Variants in CDH8 observed in about 807,000 individuals in gnomAD.
CDH8 encodes cadherin-8.
In CDH8, 17 loss-of-function variants were observed where a neutral mutation model predicts 68.1. That is an observed-to-expected ratio of 0.25 (90% CI 0.17 to 0.37). The LOEUF (loss-of-function observed/expected upper bound fraction) is 0.37, where lower values mean the gene tolerates loss of function less well. Ranked by LOEUF, CDH8 falls within the 10% of genes least tolerant of loss-of-function variation. The pLI, the probability that CDH8 is intolerant of heterozygous loss-of-function variation, is 1.00. For missense variants in CDH8, 763 were observed against 999.3 expected, an observed-to-expected ratio of 0.76 and a Z score of 3.19; for synonymous variants, 372 against 365.1, an observed-to-expected ratio of 1.02 and a Z score of -0.21.
intron 10 of CDH8, among the ~76,000 whole-genome samples, chr16:61,662,814 T>C (rs1342982655): frequency 6.6e-6 from 1 of 151,918 alleles, no homozygotes; most frequent in Non-Finnish European, 1.5e-5. Context: ...TGTGCACCCA[T>C]GGATTTTGAT....
rs548779957 is a variant in CDH8 at position 61,660,702 on chromosome 16, A to T, written c.1655-4981T>A. 2.6e-5 allele frequency among the ~76,000 whole-genome samples: 4 copies of T among 152,196 alleles called. No individual in the cohort carries two copies. In the East Asian group the frequency reaches 5.8e-4, roughly 22 times the overall value. On this transcript the variant is annotated intron_variant, in intron 10 of 11. Transcript: ENST00000577390. The stretch of plus-strand genomic sequence containing the variant: ...ACATGTTAAAAACAAGAGAAAATTG[A>T]CTCATCACTTAACAGCAAAAATTTC...
chr16:61,922,470 T>C (rs1964385300), intron 2 of CDH8, among the ~76,000 whole-genome samples: 1 of 152,214 alleles, frequency 6.6e-6, no homozygotes, highest in South Asian at 2.1e-4. Flanking sequence ...GAGAGAACTA[T>C]GCTACACCTG....
At chr16:61,687,770 A>G (rs1046667526) in intron 10 of CDH8, among the ~76,000 whole-genome samples, 1 of 152,012 alleles carries the variant, frequency 6.6e-6, no homozygotes, top group Admixed American at 6.6e-5. Flanking sequence ...CTTCAGTTTT[A>G]TCTTGAAAAT....
intron 9 of CDH8, among the ~76,000 whole-genome samples, chr16:61,715,772 A>T (rs998431903): frequency 6.6e-6 from 1 of 151,586 alleles, no homozygotes; most frequent in Non-Finnish European, 1.5e-5. Flanking sequence ...AAAAATCAAC[A>T]TGAGTTAAAG....
intron 8 of CDH8, among the ~76,000 whole-genome samples, chr16:61,731,954 G>A (rs922013789): frequency 6.6e-6 from 1 of 151,710 alleles, no homozygotes; most frequent in African/African-American, 2.4e-5. Flanking sequence ...AATGGAAATT[G>A]TGCAGTAGGA....
chr16:61,979,147 T>C (rs1181158139), intron 2 of CDH8, among the ~76,000 whole-genome samples: 1 of 151,854 alleles, frequency 6.6e-6, no homozygotes, highest in Admixed American at 6.6e-5. Context: ...TTCTGTAAGG[T>C]AGGCACTCCA....
At chr16:62,024,085 C>T (rs1027653101) in intron 1 of CDH8, among the ~76,000 whole-genome samples, 1 of 151,960 alleles carries the variant, frequency 6.6e-6, no homozygotes. Flanking sequence ...GTGATCTTCT[C>T]ACTCCAGCCT....
chr16:61,754,631 C>A (rs371855194), intron 8 of CDH8, among the ~76,000 whole-genome samples: 110 of 152,008 alleles, frequency 7.2e-4, no homozygotes, highest in Non-Finnish European at 1.2e-3. Flanking sequence ...AAATATTTAT[C>A]TTTTCTTTGT....
intron 2 of CDH8, among the ~76,000 whole-genome samples, chr16:61,998,794 G>T (rs577518257): frequency 6.6e-6 from 1 of 152,044 alleles, no homozygotes; most frequent in African/African-American, 2.4e-5. Flanking sequence ...CTTGATCTTC[G>T]AAATAAAACT....
chr16:61,824,275 A>C (rs867410126), intron 5 of CDH8, among the ~76,000 whole-genome samples: 2 of 151,858 alleles, frequency 1.3e-5, no homozygotes, highest in South Asian at 2.1e-4. Context: ...CATCCTTTTA[A>C]GCTGCACTAT....
At chr16:61,711,656 G>A (rs1964632435) in intron 10 of CDH8, 1 of 151,638 alleles carries the variant, frequency 6.6e-6, no homozygotes, top group African/African-American at 2.4e-5. Context: ...TCTGATCTAG[G>A]AAGAGGAACA....
intron 1 of CDH8, among the ~76,000 whole-genome samples, chr16:62,030,888 G>A (rs1902309204): frequency 6.6e-6 from 1 of 152,070 alleles, no homozygotes; most frequent in Non-Finnish European, 1.5e-5. Flanking sequence ...ATACAGAAGA[G>A]TATGGAATTG....
chr16:61,703,911 T>C (rs1285572326), intron 10 of CDH8, among the ~76,000 whole-genome samples: 3 of 152,156 alleles, frequency 2.0e-5, no homozygotes, highest in Non-Finnish European at 1.5e-5. Flanking sequence ...GTCCCATTAT[T>C]AAACAGTGTT....
chr16:61,689,472 T>C (rs1330856160), intron 10 of CDH8, among the ~76,000 whole-genome samples: 3 of 151,952 alleles, frequency 2.0e-5, no homozygotes, highest in Non-Finnish European at 4.4e-5. Context: ...CCCAGGCACA[T>C]ACAGACTGTG....
intron 2 of CDH8, among the ~76,000 whole-genome samples, chr16:62,017,561 T>C (rs1392948327): frequency 1.3e-5 from 2 of 152,146 alleles, no homozygotes; most frequent in Non-Finnish European, 2.9e-5. Flanking sequence ...TGCATGATTG[T>C]AGTCCCAGCT....
chr16:61,810,475 G>GGA lies in CDH8; in HGVS notation c.1277+7002_1277+7003dup, dbSNP rs143810797. 2.5e-3 allele frequency among the ~76,000 whole-genome samples: 382 copies of GGA among 150,026 alleles called. 4 individuals carry two copies. The highest frequency in any genetic ancestry group is 0.023 in the East Asian group (119 of 5,100). On this transcript the variant is annotated intron_variant, in intron 7 of 11. Transcript: ENST00000577390. ...CAAATAATTTCTTTATAGTCAGAGA[G>GGA]GAGAGAGAGAGAGAGAGAGAGAAAG... is the stretch of plus-strand genomic sequence containing the variant.
intron 3 of CDH8, among the ~76,000 whole-genome samples, chr16:61,863,350 C>T (rs1282417598): frequency 6.6e-6 from 1 of 152,084 alleles, no homozygotes; most frequent in Non-Finnish European, 1.5e-5. Context: ...GCAAAAACTA[C>T]AGGCAAAATT....
At chr16:61,800,699 G>C (rs1262199993) in intron 7 of CDH8, among the ~76,000 whole-genome samples, 1 of 152,068 alleles carries the variant, frequency 6.6e-6, no homozygotes, top group Non-Finnish European at 1.5e-5. Context: ...CATACTCATG[G>C]GGTAGAGCTA....
intron 4 of CDH8, among the ~76,000 whole-genome samples, chr16:61,831,757 T>C (rs529076411): frequency 1.3e-5 from 2 of 151,950 alleles, no homozygotes; most frequent in Admixed American, 1.3e-4. Flanking sequence ...TGAAGGCTGA[T>C]TACTGTAATT....
Sources: allele counts gnomAD v4.1 joint callset (sites outside exome capture counted in the v4.1 genomes callset), GRCh38; gene constraint gnomAD v4.1.1; transcripts MANE v1.5; gene names NCBI Gene and HGNC (gene_info 2026-07-23, HGNC 2026-07-21).